Variants in SPAG16 observed in about 807,000 individuals in gnomAD.
SPAG16 encodes sperm associated antigen 16.
In SPAG16, 86 loss-of-function variants were observed where a neutral mutation model predicts 80.4. The ratio of observed to expected loss-of-function variants is 1.07; its 90% CI spans 0.90 to 1.28. The LOEUF (loss-of-function observed/expected upper bound fraction) is 1.28. Among genes scored for constraint, SPAG16 ranks in the 50% most tolerant of loss-of-function variants. SPAG16 has a pLI of 0.00. For synonymous variants in SPAG16, 294 were observed against 265.9 expected (o/e 1.11, Z -1.03); for missense variants, 870 against 765.3 (o/e 1.14, Z -1.61).
chr2:213,320,208 T>C (rs1461903121), intron 5 of SPAG16, among the ~76,000 whole-genome samples: 3 of 152,000 alleles, frequency 2.0e-5, no homozygotes, highest in Non-Finnish European at 4.4e-5. Flanking sequence ...GTCAGTAGTT[T>C]TTTATTGATA....
chr2:213,667,595 T>C (rs987448444), intron 10 of SPAG16, among the ~76,000 whole-genome samples: 5 of 152,208 alleles, frequency 3.3e-5, no homozygotes, highest in Non-Finnish European at 7.3e-5. Flanking sequence ...GTCAAAGAGA[T>C]TGACGTTGGA....
At chr2:213,812,804 C>T (rs955862194) in intron 10 of SPAG16, among the ~76,000 whole-genome samples, 9 of 151,574 alleles carry the variant, frequency 5.9e-5, no homozygotes, top group Non-Finnish European at 1.2e-4. Flanking sequence ...GAAACTGGGA[C>T]GAGTACTTAA....
chr2:213,402,658 T>C (rs1422696123), intron 9 of SPAG16, among the ~76,000 whole-genome samples: 2 of 151,418 alleles, frequency 1.3e-5, no homozygotes, highest in South Asian at 2.1e-4. Context: ...TTCCCACTTA[T>C]GAGTGAGAAC....
chr2:213,756,701 A>G (rs1008406165), intron 10 of SPAG16, among the ~76,000 whole-genome samples: 1 of 152,162 alleles, frequency 6.6e-6, no homozygotes, highest in African/African-American at 2.4e-5. Flanking sequence ...TACCAGGCCA[A>G]TTAAAATTTA....
intron 10 of SPAG16, among the ~76,000 whole-genome samples, 177 bp downstream of exon 10, chr2:213,490,267 A>G (rs2074181953): frequency 6.6e-6 from 1 of 152,170 alleles, no homozygotes; most frequent in Admixed American, 6.5e-5. Context: ...TAATTGGTTT[A>G]AGCACTTGGT....
intron 1 of SPAG16, among the ~76,000 whole-genome samples, chr2:213,292,668 A>C (rs1559377233): frequency 1.5e-5 from 2 of 135,358 alleles, no homozygotes; most frequent in African/African-American, 2.7e-5. Flanking sequence ...CGTCTCAAAA[A>C]AAAAAAACAA....
intron 10 of SPAG16, among the ~76,000 whole-genome samples, chr2:213,660,999 G>T (rs2063405567): frequency 6.6e-6 from 1 of 152,116 alleles, no homozygotes; most frequent in South Asian, 2.1e-4. Context: ...CTCTTAACTT[G>T]TCTTGTCTCA....
intron 14 of SPAG16, among the ~76,000 whole-genome samples, chr2:214,118,076 A>G (rs2054031153): frequency 6.6e-6 from 1 of 152,224 alleles, no homozygotes; most frequent in Non-Finnish European, 1.5e-5. Flanking sequence ...CTTTTTACAG[A>G]TGATATGATC....
intron 15 of SPAG16, among the ~76,000 whole-genome samples, chr2:214,222,630 A>G (rs1185023640): frequency 6.6e-6 from 1 of 152,200 alleles, no homozygotes; most frequent in Non-Finnish European, 1.5e-5. Context: ...GTTGCTTACC[A>G]TGTAGAATAC....
chr2:214,092,504 T>C (rs1225420515), intron 13 of SPAG16, among the ~76,000 whole-genome samples: 1 of 140,588 alleles, frequency 7.1e-6, no homozygotes, highest in African/African-American at 2.7e-5. Context: ...AATATATATA[T>C]AAATATATAT....
chr2:214,290,397 AT>A lies in SPAG16; in HGVS notation c.1721-119740del, dbSNP rs751570614. On this transcript the variant is annotated intron_variant, in intron 15 of 15. Coordinates refer to ENST00000331683, the MANE Select transcript of SPAG16 (RefSeq NM_024532.5). ...ATTGAGCTCTGATCTGATATTTACTATTTCTTTCCTTCTGATAATTTTGGAT... is the reference window on the plus strand; with the variant it reads ...ATTGAGCTCTGATCTGATATTTACTATTCTTTCCTTCTGATAATTTTGGAT... 9.9e-5 allele frequency among the ~76,000 whole-genome samples: 15 copies of A among 151,120 alleles called. No homozygotes were observed. In the South Asian group the frequency reaches 2.9e-3, roughly 29 times the overall value.
At chr2:214,394,058 T>G (rs559253842) in intron 15 of SPAG16, among the ~76,000 whole-genome samples, 1 of 152,300 alleles carries the variant, frequency 6.6e-6, no homozygotes, top group East Asian at 1.9e-4. Flanking sequence ...AAGCTGCTTT[T>G]GGGTTGTGAT....
chr2:214,127,404 C>T (rs533206000), intron 14 of SPAG16, among the ~76,000 whole-genome samples: 2 of 151,728 alleles, frequency 1.3e-5, no homozygotes, highest in African/African-American at 2.4e-5. Context: ...TCCTTTCAAA[C>T]CCCAAAAGGA....
At chr2:213,764,649 A>C (rs1317351933) in intron 10 of SPAG16, among the ~76,000 whole-genome samples, 1 of 152,142 alleles carries the variant, frequency 6.6e-6, no homozygotes, top group African/African-American at 2.4e-5. Context: ...TGGTGTTACT[A>C]TCTTGAATCA....
chr2:214,355,785 A>G (rs1340773733), intron 15 of SPAG16, among the ~76,000 whole-genome samples: 1 of 151,986 alleles, frequency 6.6e-6, no homozygotes, highest in African/African-American at 2.4e-5. Context: ...AATGTCCAAC[A>G]ACAATAGACT....
chr2:214,180,187 C>T (rs34604325), intron 15 of SPAG16, among the ~76,000 whole-genome samples: 45,308 of 151,430 alleles, frequency 0.3, 8,479 homozygotes, highest in Non-Finnish European at 0.41. Context: ...CAGAGGGAAA[C>T]TGGGAACTTA....
At chr2:213,765,136 C>T (rs187079166) in intron 10 of SPAG16, among the ~76,000 whole-genome samples, 7 of 152,310 alleles carry the variant, frequency 4.6e-5, no homozygotes, top group Admixed American at 2.6e-4. Context: ...GGGAAGTGCC[C>T]GAGGCGGGCG....
chr2:213,775,110 T>C (rs2069492556), intron 10 of SPAG16, among the ~76,000 whole-genome samples: 1 of 152,214 alleles, frequency 6.6e-6, no homozygotes, highest in Admixed American at 6.5e-5. Context: ...GACGACTTGC[T>C]CCTTTTCCTG....
chr2:213,862,533 C>A lies in SPAG16; in HGVS notation c.1119C>A (p.Asp373Glu). ...ACATCCTAGTCTCCTGTGGCGAGGACCGACTCTGGAAGGTGTTGGGCCTTC... is the reference window on the plus strand; with the variant it reads ...ACATCCTAGTCTCCTGTGGCGAGGAACGACTCTGGAAGGTGTTGGGCCTTC... ...HKDILVSCGE[D>E]RLWKVLGLPK... Residue 373 changes from aspartate to glutamate, a missense_variant, in exon 11 of 16, where the codon GAC becomes GAA. Asp to Glu is a conservative substitution (Grantham distance 45). Coordinates refer to ENST00000331683, the MANE Select transcript of SPAG16 (RefSeq NM_024532.5). The A allele has an allele frequency of 6.2e-7, 1 of 1,614,162 alleles. No homozygotes were observed. The highest frequency in any genetic ancestry group is 8.5e-7 in the Non-Finnish European group (1 of 1,180,000).
Sources: allele counts gnomAD v4.1 joint callset (sites outside exome capture counted in the v4.1 genomes callset), GRCh38; gene constraint gnomAD v4.1.1; transcripts MANE v1.5; gene names NCBI Gene and HGNC (gene_info 2026-07-23, HGNC 2026-07-21).